HLCS: variants seen among roughly 807,000 people sequenced by gnomAD.
HLCS encodes the protein holocarboxylase synthetase.
HLCS carries 53 observed loss-of-function variants against 75.0 expected under a neutral mutation model. That is an observed-to-expected ratio of 0.71 (90% CI 0.57 to 0.89). The LOEUF (loss-of-function observed/expected upper bound fraction) is 0.89, where lower values mean the gene tolerates loss of function less well. HLCS is among the 40% of genes least tolerant of loss of function. The pLI is 0.00. For missense variants in HLCS, 966 were observed against 1,074.0 expected (o/e 0.90, Z 1.41); for synonymous variants, 431 against 428.6 (o/e 1.01, Z -0.07).
At chr21:36,967,746 GTC>G (rs750951843), upstream of HLCS, among the ~76,000 whole-genome samples, 1 of 152,200 alleles carries the variant, frequency 6.6e-6, no homozygotes, top group African/African-American at 2.4e-5. Flanking sequence ...TTTTGAGACA[GTC>G]TCTCTCTGTC....
chr21:36,957,790 G>T (rs1017124461), intron 2 of HLCS, among the ~76,000 whole-genome samples: 2 of 151,530 alleles, frequency 1.3e-5, no homozygotes. Context: ...TTACCTGGGC[G>T]TTGTGGCACG....
chr21:36,874,567 A>G (rs1310788971), intron 6 of HLCS, among the ~76,000 whole-genome samples: 1 of 152,252 alleles, frequency 6.6e-6, no homozygotes, highest in Non-Finnish European at 1.5e-5. Flanking sequence ...AAAGTTAAGT[A>G]GTATGACTTC....
chr21:36,772,638 C>CAAAAAAA (rs34788426), intron 6 of HLCS, among the ~76,000 whole-genome samples: 2 of 80,876 alleles, frequency 2.5e-5, no homozygotes, highest in South Asian at 4.2e-4. Context: ...GACACTGTCT[C>CAAAAAAA]AAAAAAAAAA....
intron 6 of HLCS, among the ~76,000 whole-genome samples, chr21:36,843,271 T>A (rs2062677266): frequency 6.6e-6 from 1 of 151,538 alleles, no homozygotes; most frequent in African/African-American, 2.4e-5. Context: ...AGACCCTGTC[T>A]CCACAAAAAA....
intron 5 of HLCS, among the ~76,000 whole-genome samples, chr21:36,924,618 A>G (rs1783025481): frequency 6.6e-6 from 1 of 152,176 alleles, no homozygotes; most frequent in Non-Finnish European, 1.5e-5. Flanking sequence ...CCTGTACGCC[A>G]GCTTCCTCTC....
intron 6 of HLCS, among the ~76,000 whole-genome samples, chr21:36,833,852 T>A (rs1226861452): frequency 6.6e-6 from 1 of 152,074 alleles, no homozygotes; most frequent in Non-Finnish European, 1.5e-5. Flanking sequence ...CAAAATTTGC[T>A]CACGAGCTAT....
intron 6 of HLCS, among the ~76,000 whole-genome samples, chr21:36,824,160 A>G (rs368103031): frequency 6.6e-6 from 1 of 152,328 alleles, no homozygotes; most frequent in South Asian, 2.1e-4. Context: ...TTGCACCACT[A>G]TTCACAATGG....
Position 36,856,128 on chromosome 21 carries a change from A to G in HLCS, c.1892+40732T>C, listed in dbSNP as rs144244177. Among the ~76,000 whole-genome samples the G allele has an allele frequency of 8.2e-3, 1,249 of 152,298 alleles. 21 individuals carry two copies. Among genetic ancestry groups the G allele is most frequent in the African/African-American group, 0.029 (1,195 of 41,556 alleles). On this transcript the variant is annotated intron_variant, in intron 6 of 10. Coordinates refer to ENST00000674895, the MANE Select transcript of HLCS (RefSeq NM_001352514.2). ...AGGGTTTCTTTTTGGGGTGATTTTA[A>G]AAAGTTCTAAATTTGAGTGTGGTGA...
intron 2 of HLCS, among the ~76,000 whole-genome samples, chr21:36,956,725 G>A (rs922530436): frequency 1.6e-4 from 24 of 151,956 alleles, no homozygotes; most frequent in African/African-American, 4.1e-4. Flanking sequence ...GCGAGACTCC[G>A]TCTCAAAAAT....
intron 6 of HLCS, among the ~76,000 whole-genome samples, chr21:36,780,200 C>T (rs575155070): frequency 1.3e-5 from 2 of 152,202 alleles, no homozygotes; most frequent in Non-Finnish European, 2.9e-5. Flanking sequence ...GGCGGTGTTG[C>T]TAGTGCTGGG....
intron 6 of HLCS, among the ~76,000 whole-genome samples, chr21:36,823,783 T>C (rs1260050469): frequency 6.6e-6 from 1 of 152,190 alleles, no homozygotes; most frequent in African/African-American, 2.4e-5. Flanking sequence ...CCTAGATAAG[T>C]ATTTCTCTGC....
At chr21:36,957,578 A>G (rs904340418) in intron 2 of HLCS, among the ~76,000 whole-genome samples, 10 of 152,244 alleles carry the variant, frequency 6.6e-5, no homozygotes, top group Non-Finnish European at 1.3e-4. Context: ...TATTTTCAAT[A>G]AATTCAAAAT....
chr21:36,922,094 ACT>A (rs1049334000), intron 5 of HLCS, among the ~76,000 whole-genome samples: 3 of 152,234 alleles, frequency 2.0e-5, no homozygotes, highest in East Asian at 1.9e-4. Flanking sequence ...CGATTAAAAG[ACT>A]CTGTTTTTTT....
intron 2 of HLCS, among the ~76,000 whole-genome samples, chr21:36,946,997 C>T (rs2067431040): frequency 6.6e-6 from 1 of 152,160 alleles, no homozygotes; most frequent in Non-Finnish European, 1.5e-5. Context: ...GCAGGGCAGA[C>T]TTCTGGGATG....
At chr21:36,873,221 G>A (rs1356148638) in intron 6 of HLCS, among the ~76,000 whole-genome samples, 2 of 151,928 alleles carry the variant, frequency 1.3e-5, no homozygotes, top group Middle Eastern at 3.2e-3. Flanking sequence ...GGGTTGAAGC[G>A]ATTCTCCTGC....
chr21:36,928,950 C>CG (rs2066518397), intron 5 of HLCS, among the ~76,000 whole-genome samples: 1 of 152,166 alleles, frequency 6.6e-6, no homozygotes, highest in South Asian at 2.1e-4. Flanking sequence ...CCTCCCACTG[C>CG]CCCAGGCTGT....
intron 5 of HLCS, among the ~76,000 whole-genome samples, chr21:36,899,420 T>C (rs2065144532): frequency 6.6e-6 from 1 of 151,836 alleles, no homozygotes; most frequent in Non-Finnish European, 1.5e-5. Flanking sequence ...GGCCAGGAGT[T>C]CAAGACTAAC....
intron 6 of HLCS, among the ~76,000 whole-genome samples, chr21:36,770,827 G>A (rs2145792077): frequency 6.6e-6 from 1 of 151,680 alleles, no homozygotes. Context: ...ATTTTTTTTG[G>A]AAAAAAGCAT....
intron 4 of HLCS, among the ~76,000 whole-genome samples, chr21:36,933,624 T>A (rs2066748219): frequency 7.1e-6 from 1 of 140,948 alleles, no homozygotes; most frequent in South Asian, 2.4e-4. Context: ...ACCTCTCCTC[T>A]CCGGTGGACA....
Sources: allele counts gnomAD v4.1 joint callset (sites outside exome capture counted in the v4.1 genomes callset), GRCh38; gene constraint gnomAD v4.1.1; transcripts MANE v1.5; gene names NCBI Gene and HGNC (gene_info 2026-07-23, HGNC 2026-07-21).